TTYH2: variants seen among roughly 807,000 people sequenced by gnomAD.
The protein encoded by TTYH2 is protein tweety homolog 2.
TTYH2 carries 49 observed loss-of-function variants against 68.3 expected under a neutral mutation model. The observed-to-expected ratio is 0.72, with a 90% CI of 0.57 to 0.91. The LOEUF (loss-of-function observed/expected upper bound fraction) is 0.91. TTYH2 is among the 40% of genes least tolerant of loss of function. TTYH2 has a pLI of 0.00. For synonymous variants in TTYH2, 272 were observed against 300.8 expected, an observed-to-expected ratio of 0.90 and a Z score of 0.99; for missense variants, 631 against 700.4, an observed-to-expected ratio of 0.90 and a Z score of 1.12.
At chr17:74,251,912 T>C (rs112859889) in intron 10 of TTYH2, 8 of 337,130 alleles carry the variant, frequency 2.4e-5, no homozygotes, top group Middle Eastern at 8.7e-4. Flanking sequence ...GGTGTGCTGC[T>C]TCTTGCCATC....
At chr17:74,224,941 G>C (rs1411336485) in intron 2 of TTYH2, among the ~76,000 whole-genome samples, 1 of 151,828 alleles carries the variant, frequency 6.6e-6, no homozygotes, top group Admixed American at 6.6e-5. Flanking sequence ...AGGGGTTGCA[G>C]TGAGCCGAGA....
chr17:74,249,639 G>A (rs144579725), intron 8 of TTYH2, among the ~76,000 whole-genome samples: 119 of 152,336 alleles, frequency 7.8e-4, no homozygotes, highest in African/African-American at 2.7e-3. Flanking sequence ...GGAGCTCTGG[G>A]GTGGGGCCGA....
rs192868610 is a variant in TTYH2, at chr17:74,214,687, T to C, written c.129+971T>C. On this transcript the variant is annotated intron_variant, in intron 1 of 13. Transcript: ENST00000269346. The surrounding 1 kb of genome is among the most constrained non-coding windows in gnomAD (Gnocchi z 4.6). ...TGCTCTGGCCCCGGGAGCCCACCTG[T>C]ATCAGTTCCTTGTGTTGGGTCAAAG... 6.6e-6 allele frequency among the ~76,000 whole-genome samples: 1 copy of C among 152,252 alleles called. No individual in the cohort carries two copies. Among genetic ancestry groups the C allele is most frequent in the Non-Finnish European group, 1.5e-5 (1 of 68,008 alleles).
chr17:74,221,889 A>G (rs555229901), intron 1 of TTYH2, among the ~76,000 whole-genome samples: 88 of 152,190 alleles, frequency 5.8e-4, no homozygotes, highest in Admixed American at 4.8e-3. Flanking sequence ...CTCGATTCTC[A>G]GGATGGACCC....
chr17:74,249,505 T>C, intron 8 of TTYH2, 106 bp downstream of exon 8: 1 of 1,234,508 alleles, frequency 8.1e-7, no homozygotes, highest in East Asian at 2.3e-5. Context: ...CTTGCTTGCC[T>C]CACTGTGGTC....
chr17:74,217,966 G>A lies in TTYH2; in HGVS notation c.129+4250G>A, dbSNP rs1034263649. Among the ~76,000 whole-genome samples, 4 of 151,854 alleles carry A rather than the reference G, an allele frequency of 2.6e-5. No homozygotes were observed. Among genetic ancestry groups the A allele is most frequent in the Admixed American group, 2.0e-4 (3 of 15,252 alleles). ...AGGAGGTGGCTGCAGGGCACAGTGG[G>A]AGGCGTGGGGAGGCGTGGGAAATTG... On this transcript the variant is annotated intron_variant, in intron 1 of 13. Transcript: ENST00000269346. The surrounding 1 kb of genome is among the most constrained non-coding windows in gnomAD (Gnocchi z 4.0).
At position 74,241,262 on chromosome 17, in the gene TTYH2, CGTGTGTGT is replaced by C. The variant is rs199960092; in HGVS notation, c.636-2084_636-2077del. On this transcript the variant is annotated intron_variant, in intron 4 of 13. Transcript: ENST00000269346. The surrounding 1 kb of genome is among the most constrained non-coding windows in gnomAD (Gnocchi z 4.1). Reference sequence around the variant, plus strand: ...ATAGACAGACCCGGTATTTATAATACGTGTGTGTGTGTGTGTGTGTGTGTGTGTGTGTG... The same window carrying C: ...ATAGACAGACCCGGTATTTATAATACGTGTGTGTGTGTGTGTGTGTGTGTG... Among the ~76,000 whole-genome samples the C allele has an allele frequency of 6.6e-4, 95 of 144,796 alleles. No homozygotes were observed. Among genetic ancestry groups the C allele is most frequent in the African/African-American group, 1.3e-3 (49 of 39,010 alleles). 95.0% of individuals were successfully genotyped at this position (144,796 alleles called of 152,430 possible).
chr17:74,216,323 GT>G (rs1057240200), intron 1 of TTYH2, among the ~76,000 whole-genome samples: 2 of 152,184 alleles, frequency 1.3e-5, no homozygotes, highest in Non-Finnish European at 2.9e-5. Context: ...GCTGTGTGGG[GT>G]GTGGGGGGTG....
intron 2 of TTYH2, among the ~76,000 whole-genome samples, chr17:74,226,381 A>ACAAGGG (rs2050329581): frequency 6.6e-6 from 1 of 152,080 alleles, no homozygotes; most frequent in South Asian, 2.1e-4. Flanking sequence ...TGGGAATGCC[A>ACAAGGG]CAAGGGCACA....
At chr17:74,226,835 G>A (rs182587579) in intron 2 of TTYH2, among the ~76,000 whole-genome samples, 1 of 152,192 alleles carries the variant, frequency 6.6e-6, no homozygotes, top group Admixed American at 6.5e-5. Flanking sequence ...CCACCAACTC[G>A]CTTATTCTCC....
At position 74,253,122 on chromosome 17, in the gene TTYH2, A is replaced by ACCCCCAAGC; in HGVS notation, c.1303_1311dup (p.Pro435_Ala437dup). ...GACATTGATGATGATGACCCCTTTA[A>ACCCCCAAGC]CCCCCAAGCCTGGCGCATGGCGGCT... On this transcript the variant is annotated inframe_insertion, in exon 12 of 14. Coordinates refer to ENST00000269346, the MANE Select transcript of TTYH2 (RefSeq NM_032646.6). 1 of 1,613,284 alleles carries ACCCCCAAGC rather than the reference A, an allele frequency of 6.2e-7. No individual in the cohort carries two copies. Among genetic ancestry groups the ACCCCCAAGC allele is most frequent in the Non-Finnish European group, 8.5e-7 (1 of 1,179,758 alleles).
intron 13 of TTYH2, among the ~76,000 whole-genome samples, chr17:74,254,595 G>A (rs1450247142): frequency 6.6e-6 from 1 of 152,200 alleles, no homozygotes. Context: ...TCTTCCTGAT[G>A]TTTGTACTTC....
intron 5 of TTYH2, 119 bp from the exon 6 acceptor site, chr17:74,243,858 G>A (rs1300006945): frequency 2.1e-6 from 2 of 934,566 alleles, no homozygotes; most frequent in East Asian, 2.6e-5. Context: ...GCCCACGTCA[G>A]GGCAGGGACT....
At chr17:74,225,813 G>C (rs1052572640) in intron 2 of TTYH2, among the ~76,000 whole-genome samples, 21 of 152,018 alleles carry the variant, frequency 1.4e-4, no homozygotes, top group African/African-American at 4.4e-4. Context: ...TCCGTGTGAG[G>C]GATCAACCCC....
intron 4 of TTYH2, among the ~76,000 whole-genome samples, chr17:74,240,567 C>CA (rs559037259): frequency 6.6e-6 from 1 of 152,076 alleles, no homozygotes; most frequent in Non-Finnish European, 1.5e-5. Context: ...AGCTGCTCTG[C>CA]AAAAAAAGCC....
chr17:74,236,401 G>A (rs2050443436), intron 3 of TTYH2, among the ~76,000 whole-genome samples: 1 of 152,194 alleles, frequency 6.6e-6, no homozygotes, highest in African/African-American at 2.4e-5. Context: ...CATAGAGTCT[G>A]TTTCTCTAAA....
intron 4 of TTYH2, among the ~76,000 whole-genome samples, chr17:74,240,170 T>G (rs893663124): frequency 3.9e-5 from 6 of 152,208 alleles, no homozygotes; most frequent in African/African-American, 1.4e-4. Flanking sequence ...AGAAGAGGTT[T>G]GGCTCATGCT....
Position 74,215,029 on chromosome 17 carries a change from G to A in TTYH2, c.129+1313G>A, listed in dbSNP as rs2050208054. Among the ~76,000 whole-genome samples, 1 of 152,068 alleles carries A rather than the reference G, an allele frequency of 6.6e-6. No individual in the cohort carries two copies. Among genetic ancestry groups the A allele is most frequent in the Non-Finnish European group, 1.5e-5 (1 of 67,984 alleles). On this transcript the variant is annotated intron_variant, in intron 1 of 13. Transcript: ENST00000269346. This position sits in a 1 kb window ranked among gnomAD's most constrained non-coding sequence, Gnocchi z 4.3. ...GGCACTCAGGAGCAAGACGGCAGTCGGTGGACCCACCCCCCTCCCCCAGAG... is the reference window on the plus strand; with the variant it reads ...GGCACTCAGGAGCAAGACGGCAGTCAGTGGACCCACCCCCCTCCCCCAGAG...
chr17:74,215,371 C>A lies in TTYH2; in HGVS notation c.129+1655C>A, dbSNP rs1194621962. The stretch of plus-strand genomic sequence containing the variant: ...CACCCTGATGGCCCCAGAGACAGTT[C>A]CTATCAGCCCAACAGCTGTGGCTGG... On this transcript the variant is annotated intron_variant, in intron 1 of 13. Transcript: ENST00000269346. This position sits in a 1 kb window ranked among gnomAD's most constrained non-coding sequence, Gnocchi z 4.3. Among the ~76,000 whole-genome samples the A allele has an allele frequency of 3.9e-5, 6 of 152,132 alleles. No homozygotes were observed. The highest frequency in any genetic ancestry group is 1.4e-4 in the African/African-American group (6 of 41,434).
Sources: allele counts gnomAD v4.1 joint callset (sites outside exome capture counted in the v4.1 genomes callset), GRCh38; gene constraint gnomAD v4.1.1; non-coding constraint Gnocchi (gnomAD v3.1); transcripts MANE v1.5; gene names NCBI Gene and HGNC (gene_info 2026-07-23, HGNC 2026-07-21).